NMNAT3: variants seen among roughly 807,000 people sequenced by gnomAD.
The protein encoded by NMNAT3 is nicotinamide/nicotinic acid mononucleotide adenylyltransferase 3.
NMNAT3 carries 21 observed loss-of-function variants against 24.8 expected under a neutral mutation model. The observed-to-expected ratio is 0.85, with a 90% CI of 0.60 to 1.22. NMNAT3 has a LOEUF of 1.22. NMNAT3 is among the 50% of genes most tolerant of loss of function. NMNAT3 has a pLI of 0.00. For synonymous variants in NMNAT3, 136 were observed against 155.2 expected, an observed-to-expected ratio of 0.88 and a Z score of 0.92; for missense variants, 387 against 436.6, an observed-to-expected ratio of 0.89 and a Z score of 1.01.
At chr3:139,611,040 G>A (rs1320895154) in intron 3 of NMNAT3, among the ~76,000 whole-genome samples, 5 of 148,092 alleles carry the variant, frequency 3.4e-5, no homozygotes, top group African/African-American at 1.2e-4. Context: ...GAGGATGGGG[G>A]GGGTGGTGGT....
At chr3:139,562,607 C>A (rs1559845370) in intron 6 of NMNAT3, among the ~76,000 whole-genome samples, 1 of 152,136 alleles carries the variant, frequency 6.6e-6, no homozygotes, top group Non-Finnish European at 1.5e-5. Context: ...AAGGTGGAAC[C>A]TTTAAAGGAA....
intron 3 of NMNAT3, among the ~76,000 whole-genome samples, chr3:139,603,126 A>G (rs936995778): frequency 7.2e-5 from 11 of 152,220 alleles, no homozygotes; most frequent in Non-Finnish European, 2.9e-5. Flanking sequence ...ATGTTTGGGA[A>G]ACACGAGGGC....
intron 1 of NMNAT3, among the ~76,000 whole-genome samples, chr3:139,650,364 C>T (rs755963694): frequency 1.7e-4 from 26 of 152,098 alleles, no homozygotes; most frequent in Non-Finnish European, 2.8e-4. Flanking sequence ...TGGATTTTTC[C>T]TTAGGCAGAG....
intron 3 of NMNAT3, chr3:139,599,495 A>G: frequency 1.5e-6 from 1 of 674,782 alleles, no homozygotes. Context: ...AACTGTCACA[A>G]GTGGTGTTAA....
At chr3:139,636,134 C>T (rs1331346227) in intron 2 of NMNAT3, 2 of 152,172 alleles carry the variant, frequency 1.3e-5, no homozygotes, top group Admixed American at 1.3e-4. Flanking sequence ...TCAAAGCCAC[C>T]ATTATTTTCC....
chr3:139,651,734 G>C (rs910186106), intron 1 of NMNAT3, among the ~76,000 whole-genome samples: 2 of 152,152 alleles, frequency 1.3e-5, no homozygotes, highest in Non-Finnish European at 2.9e-5. Flanking sequence ...CAGGGTCCCA[G>C]GCTCCGGGCA....
intron 3 of NMNAT3, among the ~76,000 whole-genome samples, chr3:139,624,765 T>C (rs2055976602): frequency 6.6e-6 from 1 of 152,196 alleles, no homozygotes; most frequent in Non-Finnish European, 1.5e-5. Context: ...TCTTTTATGG[T>C]TCAGAATATG....
chr3:139,653,600 G>A (rs1008580153), intron 1 of NMNAT3, among the ~76,000 whole-genome samples: 1 of 152,220 alleles, frequency 6.6e-6, no homozygotes. Context: ...GGGTCAGGAG[G>A]ATGCCCGAGA....
chr3:139,572,573 C>A (rs1253352154), intron 6 of NMNAT3, among the ~76,000 whole-genome samples: 2 of 152,134 alleles, frequency 1.3e-5, no homozygotes, highest in African/African-American at 4.8e-5. Flanking sequence ...GGGGATACTG[C>A]TGTGAGGGAT....
At chr3:139,644,538 C>T (rs1325789740) in intron 1 of NMNAT3, among the ~76,000 whole-genome samples, 1 of 152,020 alleles carries the variant, frequency 6.6e-6, no homozygotes, top group South Asian at 2.1e-4. Flanking sequence ...GTAATTTAAC[C>T]CTGGAGAAAG....
At chr3:139,568,835 A>G (rs1245436773) in intron 6 of NMNAT3, 1 of 152,138 alleles carries the variant, frequency 6.6e-6, no homozygotes, top group African/African-American at 2.4e-5. Flanking sequence ...TCAGGTGGAG[A>G]GTTCTGTAGA....
chr3:139,569,390 G>A lies in NMNAT3; in HGVS notation c.658+4208C>T, dbSNP rs1473822883. The A allele has an allele frequency of 3.9e-5, 6 of 152,314 alleles. No individual in the cohort carries two copies. The East Asian group carries it at 1.2e-3, about 29-fold the overall frequency. The allele number at this position is 152,314 out of a possible 1,614,324, so 9.4% of individuals were successfully genotyped here. A position where few individuals can be genotyped will look rare whatever the true frequency, so the allele number is the denominator to read the frequency against. Reference sequence around the variant, plus strand: ...GTGAATTTGATCCTGTCATTATGATGTTAGCTGGTTATTTTGCTCGTTAGT... The same window carrying A: ...GTGAATTTGATCCTGTCATTATGATATTAGCTGGTTATTTTGCTCGTTAGT... On this transcript the variant is annotated intron_variant, in intron 6 of 6. Transcript: ENST00000643695.
intron 6 of NMNAT3, among the ~76,000 whole-genome samples, chr3:139,562,245 C>G (rs983947007): frequency 6.6e-6 from 1 of 152,138 alleles, no homozygotes; most frequent in African/African-American, 2.4e-5. Context: ...ACCCAGGCAG[C>G]CATCCTCCAG....
At position 139,619,873 on chromosome 3, in the gene NMNAT3, T is replaced by C. The variant is rs550004344; in HGVS notation, c.109+7743A>G. ...CCCCTGCTAGACTAAGGGTACAAAA[T>C]TTTTTCCTAAGAGATAAGGACACAT... On this transcript the variant is annotated intron_variant, in intron 3 of 6. Coordinates refer to ENST00000643695, the MANE Select transcript of NMNAT3 (RefSeq NM_001320510.2). Among the ~76,000 whole-genome samples the C allele has an allele frequency of 4.6e-5, 7 of 152,328 alleles. No individual in the cohort carries two copies. In the East Asian group the frequency reaches 1.3e-3, roughly 29 times the overall value.
intron 1 of NMNAT3, among the ~76,000 whole-genome samples, chr3:139,640,393 A>G (rs1424335246): frequency 1.3e-5 from 2 of 152,192 alleles, no homozygotes; most frequent in African/African-American, 2.4e-5. Flanking sequence ...TGTCTCCCCT[A>G]TGCTACTCAG....
At position 139,583,225 on chromosome 3, in the gene NMNAT3, C is replaced by A. The variant is rs530752460; in HGVS notation, c.110-17G>T. On this transcript the variant is annotated splice_polypyrimidine_tract_variant and intron_variant, in intron 3 of 6. Transcript: ENST00000643695. The stretch of plus-strand genomic sequence containing the variant: ...CTTCATATTCTGGAATACAAGAAAA[C>A]GTGTAAATGTTTGCAAATTCAGGTG... The A allele has an allele frequency of 1.8e-5, 22 of 1,202,680 alleles. No homozygotes were observed. Among genetic ancestry groups the A allele is most frequent in the Non-Finnish European group, 2.6e-5 (21 of 808,694 alleles). 74.5% of individuals were successfully genotyped at this position (1,202,680 alleles called of 1,614,324 possible).
At chr3:139,619,294 GA>G (rs1182031452) in intron 3 of NMNAT3, among the ~76,000 whole-genome samples, 2 of 152,152 alleles carry the variant, frequency 1.3e-5, no homozygotes, top group African/African-American at 4.8e-5. Flanking sequence ...AGTCCATTCT[GA>G]ACTCTCAAAA....
chr3:139,565,092 T>G (rs904241909), intron 6 of NMNAT3, among the ~76,000 whole-genome samples: 2 of 152,212 alleles, frequency 1.3e-5, no homozygotes, highest in Non-Finnish European at 2.9e-5. Flanking sequence ...CTCCACATCA[T>G]CAAAACCTTT....
At chr3:139,634,419 A>G (rs1051428963) in intron 2 of NMNAT3, 192 bp downstream of exon 3, 5 of 152,206 alleles carry the variant, frequency 3.3e-5, no homozygotes, top group African/African-American at 1.2e-4. Flanking sequence ...CATCTTAAAG[A>G]AAACACAAGT....
Sources: allele counts gnomAD v4.1 joint callset (sites outside exome capture counted in the v4.1 genomes callset), GRCh38; gene constraint gnomAD v4.1.1; transcripts MANE v1.5; gene names NCBI Gene and HGNC (gene_info 2026-07-23, HGNC 2026-07-21).